MECOM: variants seen among roughly 807,000 people sequenced by gnomAD.
MECOM encodes MDS1 and EVI1 complex locus.
A neutral mutation model predicts 116.3 loss-of-function variants in MECOM; 13 were observed. The observed-to-expected ratio is 0.11, with a 90% confidence interval of 0.07 to 0.18. The LOEUF is 0.18. MECOM is among the 10% of genes least tolerant of loss of function. The pLI is 1.00. For missense variants in MECOM, 1,299 were observed against 1,509.0 expected (o/e 0.86, Z 2.31); for synonymous variants, 528 against 535.2 (o/e 0.99, Z 0.19).
At chr3:169,601,650 T>G (rs1767845266) in intron 1 of MECOM, among the ~76,000 whole-genome samples, 1 of 152,134 alleles carries the variant, frequency 6.6e-6, no homozygotes, top group African/African-American at 2.4e-5. Flanking sequence ...ATTGACAAGA[T>G]TCCCCCTATT....
chr3:169,342,545 T>A (rs191745998), intron 2 of MECOM, among the ~76,000 whole-genome samples: 1 of 152,308 alleles, frequency 6.6e-6, no homozygotes, highest in East Asian at 1.9e-4. Flanking sequence ...AAAGTCATTT[T>A]GAGAACTACT....
At chr3:169,164,105 T>C (rs554728177) in intron 2 of MECOM, among the ~76,000 whole-genome samples, 14 of 152,294 alleles carry the variant, frequency 9.2e-5, no homozygotes, top group Non-Finnish European at 1.6e-4. Flanking sequence ...ATAGTTGATA[T>C]GGTTTGGCTC....
In MECOM at chr3:169,663,392, C is replaced by A; in HGVS notation, c.-20G>T. ...TCTCATGCTGTGCCCAGTCCTGCAG[C>A]CGCTGGTGTGTGGTTGGGGCTTTTT... On this transcript the variant is annotated 5_prime_UTR_variant, in exon 1 of 17. Coordinates refer to ENST00000651503, the MANE Select transcript of MECOM (RefSeq NM_004991.4). 1 of 1,607,622 alleles carries A rather than the reference C, an allele frequency of 6.2e-7. No homozygotes were observed. Among genetic ancestry groups the A allele is most frequent in the Non-Finnish European group, 8.5e-7 (1 of 1,177,178 alleles).
chr3:169,320,975 T>TA (rs1720747110), intron 2 of MECOM, among the ~76,000 whole-genome samples: 2 of 152,170 alleles, frequency 1.3e-5, no homozygotes, highest in African/African-American at 4.8e-5. Context: ...TCAGAGGGGC[T>TA]AATAACTTAC....
chr3:169,539,928 T>C (rs1422865146), intron 1 of MECOM, among the ~76,000 whole-genome samples: 1 of 152,174 alleles, frequency 6.6e-6, no homozygotes, highest in African/African-American at 2.4e-5. Flanking sequence ...TACAAGAGTG[T>C]AAAAAGAAGG....
At chr3:169,418,223 G>C (rs1739060639) in intron 1 of MECOM, among the ~76,000 whole-genome samples, 1 of 151,558 alleles carries the variant, frequency 6.6e-6, no homozygotes, top group African/African-American at 2.4e-5. Flanking sequence ...CCTGAATGCA[G>C]CAATAACAAG....
At chr3:169,149,537 C>T (rs1560283364) in intron 2 of MECOM, 2 of 281,980 alleles carry the variant, frequency 7.1e-6, no homozygotes, top group Admixed American at 8.5e-5. Flanking sequence ...GCTCCAGCCA[C>T]CCAGGTGAAC....
intron 2 of MECOM, among the ~76,000 whole-genome samples, chr3:169,283,190 A>G (rs1712492768): frequency 6.6e-6 from 1 of 152,154 alleles, no homozygotes; most frequent in African/African-American, 2.4e-5. Flanking sequence ...GGTTTATGGA[A>G]GAAAATGAAT....
rs1733500667 is a variant in MECOM, at chr3:169,128,072, ATTCAGGTGTTAGGATTGGGTGGT to A, written c.614-35_614-13del. Reference sequence around the variant, plus strand: ...ATATTGCCGTTCTTCTGTGAAAACAATTCAGGTGTTAGGATTGGGTGGTCAGGAATTGCCATCACAAACCAGCC... The same window carrying A: ...ATATTGCCGTTCTTCTGTGAAAACAACAGGAATTGCCATCACAAACCAGCC... On this transcript the variant is annotated splice_polypyrimidine_tract_variant and intron_variant, in intron 4 of 16. Transcript: ENST00000651503. 6.2e-7 allele frequency: 1 copy of A among 1,613,524 alleles called. No homozygotes were observed. Among genetic ancestry groups the A allele is most frequent in the Admixed American group, 1.7e-5 (1 of 59,944 alleles).
intron 2 of MECOM, among the ~76,000 whole-genome samples, chr3:169,184,575 G>C (rs568076196): frequency 1.3e-5 from 2 of 152,118 alleles, no homozygotes; most frequent in Non-Finnish European, 2.9e-5. Context: ...CAAGTAAAAA[G>C]TGATGGTGTA....
At chr3:169,202,549 A>G (rs1299239589) in intron 2 of MECOM, among the ~76,000 whole-genome samples, 5 of 152,126 alleles carry the variant, frequency 3.3e-5, no homozygotes, top group Non-Finnish European at 7.4e-5. Flanking sequence ...TTACATTAAG[A>G]TTCCAGCATC....
intron 2 of MECOM, among the ~76,000 whole-genome samples, chr3:169,313,768 G>A (rs976975487): frequency 3.9e-5 from 6 of 152,208 alleles, no homozygotes; most frequent in Non-Finnish European, 8.8e-5. Context: ...CTTTAAGAGA[G>A]GTGCAGAGGA....
At chr3:169,424,208 T>G (rs924553072) in intron 1 of MECOM, among the ~76,000 whole-genome samples, 7 of 152,140 alleles carry the variant, frequency 4.6e-5, no homozygotes, top group African/African-American at 1.4e-4. Flanking sequence ...AATTTCTTAG[T>G]CTGACCTTGA....
intron 1 of MECOM, among the ~76,000 whole-genome samples, chr3:169,549,145 T>C (rs1045926428): frequency 2.6e-5 from 4 of 152,094 alleles, no homozygotes; most frequent in African/African-American, 9.7e-5. Context: ...AGCTAATTAT[T>C]GTATTTTTAG....
intron 3 of MECOM, 141 bp from the exon 4 acceptor site, chr3:169,131,672 T>A (rs1271416364): frequency 6.9e-6 from 5 of 722,150 alleles, no homozygotes; most frequent in Non-Finnish European, 1.1e-5. Context: ...TCAAAAGAAG[T>A]GTGATTTCCT....
intron 5 of MECOM, 141 bp from the exon 6 acceptor site, chr3:169,122,868 C>T (rs1177031324): frequency 3.3e-6 from 3 of 915,206 alleles, no homozygotes; most frequent in Non-Finnish European, 4.9e-6. Context: ...CAGAAACAGG[C>T]TTGTGACAGA....
intron 1 of MECOM, among the ~76,000 whole-genome samples, chr3:169,496,858 T>C (rs1217079007): frequency 2.6e-5 from 4 of 152,210 alleles, no homozygotes. Flanking sequence ...GAACAATAAA[T>C]GTTTACAGGT....
rs74344965 is a variant in MECOM, at chr3:169,548,693, A to G, written c.37+114643T>C. On this transcript the variant is annotated intron_variant, in intron 1 of 16. Coordinates refer to ENST00000651503, the MANE Select transcript of MECOM (RefSeq NM_004991.4). ...TGCAGACGTGTAAATACTAGAGGAGATAAGGTAGATGTCCCTGCTTGCTGG... is the reference window on the plus strand; with the variant it reads ...TGCAGACGTGTAAATACTAGAGGAGGTAAGGTAGATGTCCCTGCTTGCTGG... 4.1e-3 allele frequency among the ~76,000 whole-genome samples: 622 copies of G among 152,200 alleles called. 6 individuals carry two copies. The highest frequency in any genetic ancestry group is 0.014 in the African/African-American group (591 of 41,520).
At position 169,115,992 on chromosome 3, in the gene MECOM, T is replaced by C. The variant is rs1162721967; in HGVS notation, c.1880A>G (p.Gln627Arg). The C allele has an allele frequency of 1.2e-6, 2 of 1,614,222 alleles. No individual in the cohort carries two copies. Among genetic ancestry groups the C allele is most frequent in the Non-Finnish European group, 8.5e-7 (1 of 1,180,042 alleles). The change falls in exon 8 of 17, where the codon CAG becomes CGG. Residue 627 changes from glutamine (Q) to arginine (R), a missense_variant. By Grantham distance (43) the Gln-to-Arg change is conservative. Coordinates refer to ENST00000651503, the MANE Select transcript of MECOM (RefSeq NM_004991.4). ...CTTATTATTTATTGAAGCCAGATTCTGAAGAGGGCTTACTTTGTCTTTGAA... is the reference window on the plus strand; with the variant it reads ...CTTATTATTTATTGAAGCCAGATTCCGAAGAGGGCTTACTTTGTCTTTGAA... ...KMFKDKVSPL[Q>R]NLASINNKKE...
Sources: gnomAD v4.1 joint callset for allele counts (sites outside exome capture counted in the v4.1 genomes callset) on GRCh38, gnomAD v4.1.1 for gene constraint, MANE v1.5 for transcripts, NCBI Gene and HGNC (gene_info 2026-07-23, HGNC 2026-07-21) for gene names.